FBP2: variants seen among roughly 807,000 people sequenced by gnomAD.
FBP2 encodes fructose-bisphosphatase 2, also known as fructose-1,6-bisphosphatase isozyme 2.
A neutral mutation model predicts 31.6 loss-of-function variants in FBP2; 27 were observed. That is an observed-to-expected ratio of 0.85 (90% CI 0.63 to 1.18). The LOEUF is 1.18. FBP2 is among the 50% of genes most tolerant of loss of function. FBP2 has a pLI of 0.00. For missense variants in FBP2, 421 were observed against 436.1 expected, an observed-to-expected ratio of 0.97 and a Z score of 0.31; for synonymous variants, 168 against 179.8, an observed-to-expected ratio of 0.93 and a Z score of 0.53.
chr9:94,562,044 A>G (rs148274198), intron 6 of FBP2, among the ~76,000 whole-genome samples: 3,997 of 152,064 alleles, frequency 0.026, 163 homozygotes, highest in African/African-American at 0.089. Context: ...GGGCGCTGTG[A>G]CTCATACCTG....
intron 4 of FBP2, chr9:94,568,379 C>T (rs1248729139): frequency 6.6e-6 from 1 of 152,326 alleles, no homozygotes; most frequent in East Asian, 1.9e-4. Flanking sequence ...CAGGGCATCT[C>T]TCAAATACCC....
intron 6 of FBP2, among the ~76,000 whole-genome samples, chr9:94,561,912 T>C (rs1464889195): frequency 2.0e-5 from 3 of 152,200 alleles, no homozygotes; most frequent in African/African-American, 7.2e-5. Context: ...TGTGATCCCA[T>C]GTGAGTATTT....
In FBP2 at chr9:94,588,090, A is replaced by G. The variant is rs375824017; in HGVS notation, c.171-621T>C. On this transcript the variant is annotated intron_variant, in intron 1 of 6. Coordinates refer to ENST00000375337, the MANE Select transcript of FBP2 (RefSeq NM_003837.4). ...ATGGTCTTGATCTCCTGACCTGGTGATCCACCCGCCTCAGCCTCCCAAAGT... is the reference window on the plus strand; with the variant it reads ...ATGGTCTTGATCTCCTGACCTGGTGGTCCACCCGCCTCAGCCTCCCAAAGT... 6.5e-4 allele frequency among the ~76,000 whole-genome samples: 99 copies of G among 151,700 alleles called. No individual in the cohort carries two copies. The East Asian group carries it at 0.018, about 27-fold the overall frequency.
At chr9:94,568,472 C>A (rs599229) in intron 4 of FBP2, 73,852 of 151,900 alleles carry the variant, frequency 0.49, 18,567 homozygotes, top group East Asian at 0.61. Context: ...ATGTCTGTCT[C>A]AGTCACTAGG....
In FBP2 at chr9:94,571,552, A is replaced by G; in HGVS notation, c.477T>C (p.Asn159=). The change falls in exon 4 of 7, where the codon AAT becomes AAC. Residue 159 remains asparagine (N), a synonymous_variant. Coordinates refer to ENST00000375337, the MANE Select transcript of FBP2 (RefSeq NM_003837.4). The part of the protein sequence containing the change: ...SEKDALQCGR[N]IVAAGYALYG... The stretch of plus-strand genomic sequence containing the variant: ...ACAGCGCATAACCTGCGGCCACAAT[A>G]TTGCGGCCACACTGCAGGGCATCCT... The G allele has an allele frequency of 6.2e-7, 1 of 1,613,858 alleles. No individual in the cohort carries two copies. The highest frequency in any genetic ancestry group is 8.5e-7 in the Non-Finnish European group (1 of 1,179,870).
In FBP2 at chr9:94,561,555, C is replaced by T. The variant is rs558962290; in HGVS notation, c.825+1787G>A. 3.8e-4 allele frequency among the ~76,000 whole-genome samples: 58 copies of T among 151,956 alleles called. 1 individual carries two copies. Among genetic ancestry groups the T allele is most frequent in the Admixed American group, 3.1e-3 (48 of 15,248 alleles). ...TTATTTTTTGTATTTTTAGTAGAGA[C>T]GGGGTTTCACTGTGTTAGCCAGGAT... On this transcript the variant is annotated intron_variant, in intron 6 of 6. Coordinates refer to ENST00000375337, the MANE Select transcript of FBP2 (RefSeq NM_003837.4).
At position 94,571,534 on chromosome 9, in the gene FBP2, A is replaced by T; in HGVS notation, c.495T>A (p.Tyr165Ter). The part of the protein sequence containing the change: ...QCGRNIVAAG[Y>*]ALYGSATLVA... ...CCAGGGTTGCACTACCGTACAGCGCATAACCTGCGGCCACAATATTGCGGC... is the reference window on the plus strand; with the variant it reads ...CCAGGGTTGCACTACCGTACAGCGCTTAACCTGCGGCCACAATATTGCGGC... Residue 165 changes from tyrosine to a stop codon, truncating the protein, a stop_gained, in exon 4 of 7, where the codon TAT (tyrosine) becomes TAA (stop). Transcript: ENST00000375337. LOFTEE classifies it high-confidence loss of function. 6.2e-7 allele frequency: 1 copy of T among 1,614,098 alleles called. No individual in the cohort carries two copies. Among genetic ancestry groups the T allele is most frequent in the East Asian group, 2.2e-5 (1 of 44,864 alleles).
intron 5 of FBP2, among the ~76,000 whole-genome samples, chr9:94,564,399 T>C (rs939823757): frequency 3.3e-5 from 5 of 152,196 alleles, no homozygotes; most frequent in South Asian, 4.1e-4. Context: ...AGCAAAGATA[T>C]GGAATCAACC....
At chr9:94,561,611 C>T (rs1177376022) in intron 6 of FBP2, among the ~76,000 whole-genome samples, 2 of 152,172 alleles carry the variant, frequency 1.3e-5, no homozygotes, top group South Asian at 4.1e-4. Flanking sequence ...GTGATCCACC[C>T]GCCTTGGCCT....
intron 3 of FBP2, 123 bp from the exon 4 acceptor site, chr9:94,571,725 C>T (rs1564183554): frequency 1.1e-6 from 1 of 886,776 alleles, no homozygotes. Flanking sequence ...GAATTTTAAG[C>T]TGCTGCAAAT....
chr9:94,585,823 C>G (rs1827420943), intron 2 of FBP2, among the ~76,000 whole-genome samples: 1 of 151,196 alleles, frequency 6.6e-6, no homozygotes, highest in Admixed American at 6.6e-5. Context: ...GTTGCCTAGG[C>G]TGGTCTCAAA....
chr9:94,564,964 T>G (rs1392914673), intron 5 of FBP2, among the ~76,000 whole-genome samples: 1 of 152,112 alleles, frequency 6.6e-6, no homozygotes, highest in Non-Finnish European at 1.5e-5. Context: ...AAAGAAATAA[T>G]AAATGTCTGA....
chr9:94,584,461 C>A, intron 3 of FBP2, 116 bp downstream of exon 3: 1 of 689,510 alleles, frequency 1.5e-6, no homozygotes, highest in African/African-American at 1.8e-5. Flanking sequence ...CCTACAGTGG[C>A]TTTTCTCGTT....
intron 1 of FBP2, among the ~76,000 whole-genome samples, chr9:94,592,009 G>A (rs2131463516): frequency 6.6e-6 from 1 of 152,230 alleles, no homozygotes; most frequent in Non-Finnish European, 1.5e-5. Flanking sequence ...GCACAGAGGG[G>A]GAGCCCAATT....
At chr9:94,590,349 G>A (rs958828832) in intron 1 of FBP2, among the ~76,000 whole-genome samples, 3 of 152,192 alleles carry the variant, frequency 2.0e-5, no homozygotes, top group African/African-American at 7.2e-5. Flanking sequence ...ATAAGAAGAG[G>A]AAAGAGAAGG....
At position 94,559,039 on chromosome 9, in the gene FBP2, T is replaced by G; in HGVS notation, c.919A>C (p.Lys307Gln). Reference protein sequence around the residue: ...TTGTQPVLDVKPEAIHQRVPL... With the variant: ...TTGTQPVLDVQPEAIHQRVPL... ...ACTCGCTGGTGAATTGCCTCGGGCT[T>G]CACGTCCAGTACAGGCTGGGTCCCC... The change falls in exon 7 of 7, where the codon AAG becomes CAG. Residue 307 changes from lysine (K) to glutamine (Q), a missense_variant. Lys to Gln is a moderately conservative substitution (Grantham distance 53). Transcript: ENST00000375337. 1 of 1,614,140 alleles carries G rather than the reference T, an allele frequency of 6.2e-7. No individual in the cohort carries two copies. The highest frequency in any genetic ancestry group is 8.5e-7 in the Non-Finnish European group (1 of 1,180,026).
At chr9:94,581,829 T>G (rs892595043) in intron 3 of FBP2, among the ~76,000 whole-genome samples, 6 of 152,188 alleles carry the variant, frequency 3.9e-5, no homozygotes, top group African/African-American at 1.4e-4. Flanking sequence ...CTTCCCCCAC[T>G]TTTTGGAATT....
intron 1 of FBP2, among the ~76,000 whole-genome samples, chr9:94,592,013 C>A (rs1045211115): frequency 8.5e-5 from 13 of 152,106 alleles, no homozygotes; most frequent in Admixed American, 2.6e-4. Flanking sequence ...AGAGGGGGAG[C>A]CCAATTTATG....
rs1171805218 is a variant in FBP2 at position 94,563,323 on chromosome 9, G to T, written c.825+19C>A. On this transcript the variant is annotated intron_variant, in intron 6 of 6. Transcript: ENST00000375337. The stretch of plus-strand genomic sequence containing the variant: ...ACCTCCCTGACCGGATGCACAGCCA[G>T]TGGACAAGGGAGAATTACCTTGCCC... 1.2e-6 allele frequency: 2 copies of T among 1,612,372 alleles called. No individual in the cohort carries two copies. Among genetic ancestry groups the T allele is most frequent in the Non-Finnish European group, 1.7e-6 (2 of 1,179,104 alleles).
Sources: gnomAD v4.1 joint callset for allele counts (sites outside exome capture counted in the v4.1 genomes callset) on GRCh38, gnomAD v4.1.1 for gene constraint, MANE v1.5 for transcripts, NCBI Gene and HGNC (gene_info 2026-07-23, HGNC 2026-07-21) for gene names.